The following BZW2 variants were observed in gnomAD, a reference collection of about 807,000 sequenced individuals.
The protein encoded by BZW2 is eIF5-mimic protein 1.
In BZW2, 23 loss-of-function variants were observed where a neutral mutation model predicts 53.2. The ratio of observed to expected loss-of-function variants is 0.43; its 90% CI spans 0.31 to 0.61. The LOEUF is 0.61. Among genes scored for constraint, BZW2 ranks in the 20% least tolerant of loss-of-function variants. The pLI is 0.09. For synonymous variants in BZW2, 227 were observed against 186.4 expected (o/e 1.22, Z -1.77); for missense variants, 409 against 503.1 (o/e 0.81, Z 1.79).
At chr7:16,658,965 A>G (rs1465912514) in intron 1 of BZW2, among the ~76,000 whole-genome samples, 1 of 151,418 alleles carries the variant, frequency 6.6e-6, no homozygotes, top group Non-Finnish European at 1.5e-5. Flanking sequence ...AAGAATAAAA[A>G]TAACTTAAAA....
chr7:16,648,413 A>G (rs1342076346), intron 1 of BZW2, among the ~76,000 whole-genome samples: 1 of 152,230 alleles, frequency 6.6e-6, no homozygotes, highest in Non-Finnish European at 1.5e-5. Flanking sequence ...ATCCCATATT[A>G]GGAAGTGTCA....
chr7:16,695,515 G>T (rs1397183364), intron 8 of BZW2, among the ~76,000 whole-genome samples: 5 of 152,124 alleles, frequency 3.3e-5, no homozygotes, highest in Non-Finnish European at 5.9e-5. Flanking sequence ...ACTCACACTT[G>T]GAAGAGCTGT....
In BZW2 at chr7:16,674,409, T is replaced by C; in HGVS notation, c.59-3T>C. ...ACTGTTATTTTGAATTGTTTTATTT[T>C]AGATGAAAAAGAGAAATTCGAACCC... On this transcript the variant is annotated splice_region_variant and splice_polypyrimidine_tract_variant and intron_variant, in intron 2 of 11. Coordinates refer to ENST00000258761, the MANE Select transcript of BZW2 (RefSeq NM_014038.3). The C allele has an allele frequency of 6.3e-7, 1 of 1,578,566 alleles. No homozygotes were observed. The highest frequency in any genetic ancestry group is 8.6e-7 in the Non-Finnish European group (1 of 1,161,982).
chr7:16,674,391 T>C (rs746385527), intron 2 of BZW2, 21 bp from the exon 3 acceptor site: 153 of 1,531,858 alleles, frequency 1.0e-4, no homozygotes, highest in Non-Finnish European at 1.3e-4. Flanking sequence ...TTGACTGTTA[T>C]TTTGAATTGT....
At chr7:16,682,888 C>A in intron 5 of BZW2, 43 bp downstream of exon 5, 2 of 1,354,580 alleles carry the variant, frequency 1.5e-6, no homozygotes, top group South Asian at 1.3e-5. Flanking sequence ...ATAGTAATGA[C>A]ATGGGGGTGG....
chr7:16,686,755 T>C (rs1387494442), intron 6 of BZW2: 1 of 152,246 alleles, frequency 6.6e-6, no homozygotes, highest in Admixed American at 6.5e-5. Flanking sequence ...TATGAAGTCC[T>C]AGCTTCATTC....
In BZW2 at chr7:16,689,844, GA is replaced by G; in HGVS notation, c.594del (p.Asp199MetfsTer9). On this transcript the variant is annotated frameshift_variant, in exon 7 of 12. Transcript: ENST00000258761. LOFTEE classifies it high-confidence loss of function. ...CAAGCTTTTCAAAGCATGGATGGCA[GA>G]AAAAGATGCCAACTCTGTTACCTCG... is the stretch of plus-strand genomic sequence containing the variant. ...AVKLFKAWMAEKDANSVTSSL... is the reference protein window; with the variant it reads ...AVKLFKAWMAXKDANSVTSSL... 6.2e-7 allele frequency: 1 copy of G among 1,611,914 alleles called. No homozygotes were observed. The highest frequency in any genetic ancestry group is 1.7e-5 in the Admixed American group (1 of 59,766).
At chr7:16,674,057 C>T (rs1583720097) in intron 2 of BZW2, among the ~76,000 whole-genome samples, 1 of 152,130 alleles carries the variant, frequency 6.6e-6, no homozygotes, top group East Asian at 1.9e-4. Context: ...CACCACCATG[C>T]CCAGCTAATT....
At chr7:16,705,730 A>G (rs1783832633) in intron 11 of BZW2, among the ~76,000 whole-genome samples, 1 of 149,640 alleles carries the variant, frequency 6.7e-6, no homozygotes, top group East Asian at 1.9e-4. Context: ...TAGGTGATCC[A>G]AAGAAGAAAA....
At chr7:16,674,311 T>C (rs958027414) in intron 2 of BZW2, 101 bp from the exon 3 acceptor site, 7 of 930,344 alleles carry the variant, frequency 7.5e-6, no homozygotes, top group Non-Finnish European at 1.1e-5. Context: ...TCTGTGGATT[T>C]TTTTTTCCTA....
At position 16,669,836 on chromosome 7, in the gene BZW2, C is replaced by G. The variant is rs1782546227; in HGVS notation, c.58+4335C>G. The stretch of plus-strand genomic sequence containing the variant: ...ACCAGCACAGTTTAAATTGGAGACC[C>G]TAATTATATCCTTCTCACTTCAAGG... On this transcript the variant is annotated intron_variant, in intron 2 of 11. Transcript: ENST00000258761. Among the ~76,000 whole-genome samples, 2 of 152,158 alleles carry G rather than the reference C, an allele frequency of 1.3e-5. 1 individual carries two copies. Among genetic ancestry groups the G allele is most frequent in the South Asian group, 4.1e-4 (2 of 4,828 alleles).
chr7:16,669,408 G>A (rs534691560), intron 2 of BZW2, among the ~76,000 whole-genome samples: 71 of 152,318 alleles, frequency 4.7e-4, no homozygotes, highest in Non-Finnish European at 6.5e-4. Context: ...GATTACAGGC[G>A]TGAGCCACCA....
intron 2 of BZW2, among the ~76,000 whole-genome samples, chr7:16,666,315 A>C (rs1782425040): frequency 6.6e-6 from 1 of 152,070 alleles, no homozygotes; most frequent in African/African-American, 2.4e-5. Context: ...GGCCTCAAGC[A>C]GTCCTCCTCC....
rs34699573 is a variant in BZW2 at position 16,685,876 on chromosome 7, C to CTTT, written c.406-12_406-10dup. On this transcript the variant is annotated intron_variant, in intron 5 of 11. Coordinates refer to ENST00000258761, the MANE Select transcript of BZW2 (RefSeq NM_014038.3). ...TTCCTTTTTTTTTCTTTTTCTTTTT[C>CTTT]TTTTTTTTTTTTTTTTTTTGACCCA... 754 of 1,293,968 alleles carry CTTT rather than the reference C, an allele frequency of 5.8e-4. 7 individuals are homozygous for CTTT. The highest frequency in any genetic ancestry group is 2.2e-3 in the South Asian group (127 of 58,160). 80.2% of individuals were successfully genotyped at this position (1,293,968 alleles called of 1,614,324 possible). A position where few individuals can be genotyped will look rare whatever the true frequency, so the allele number is the denominator to read the frequency against.
chr7:16,693,264 T>C (rs1296894261), intron 7 of BZW2, among the ~76,000 whole-genome samples: 1 of 152,298 alleles, frequency 6.6e-6, no homozygotes, highest in East Asian at 1.9e-4. Flanking sequence ...ACAAACCATG[T>C]TCCAAGTCAA....
At chr7:16,671,254 A>G (rs115292654) in intron 2 of BZW2, among the ~76,000 whole-genome samples, 2,796 of 152,092 alleles carry the variant, frequency 0.018, 72 homozygotes, top group African/African-American at 0.063. Flanking sequence ...AGCTACACCA[A>G]TGTTTAGGGT....
At position 16,704,559 on chromosome 7, in the gene BZW2, G is replaced by C; in HGVS notation, c.1121G>C (p.Ser374Thr). Reference protein sequence around the residue: ...VVLFYKADVLSEEAILKWYKE... With the variant: ...VVLFYKADVLTEEAILKWYKE... ...TTTAAAATTGCAGCTGATGTTCTGA[G>C]CGAAGAAGCAATACTGAAATGGTAT... Residue 374 changes from serine (S) to threonine (T), a missense_variant, in exon 11 of 12, where the codon AGC becomes ACC. By Grantham distance (58) the Ser-to-Thr change is moderately conservative. Around this residue, in one of 3 missense-constraint regions of BZW2, gnomAD observed 88 missense variants for 114.6 expected, o/e 0.77. Transcript: ENST00000258761. 1.3e-6 allele frequency: 2 copies of C among 1,557,098 alleles called. No homozygotes were observed. The highest frequency in any genetic ancestry group is 1.8e-6 in the Non-Finnish European group (2 of 1,137,962).
At chr7:16,698,013 C>G (rs1783555268) in intron 9 of BZW2, 35 bp from the exon 10 acceptor site, 1 of 1,612,468 alleles carries the variant, frequency 6.2e-7, no homozygotes, top group Admixed American at 1.7e-5. Flanking sequence ...ACCTCCCACG[C>G]AAGTGACGGC....
intron 7 of BZW2, among the ~76,000 whole-genome samples, chr7:16,692,872 A>C (rs1211140947): frequency 6.6e-6 from 1 of 152,186 alleles, no homozygotes; most frequent in Non-Finnish European, 1.5e-5. Flanking sequence ...ATTGGTGTAA[A>C]GACTTGAGGG....
Sources: gnomAD v4.1 joint callset for allele counts (sites outside exome capture counted in the v4.1 genomes callset) on GRCh38, gnomAD v4.1.1 for gene constraint, gnomAD v4.1.1 regional missense constraint, MANE v1.5 for transcripts, NCBI Gene and HGNC (gene_info 2026-07-23, HGNC 2026-07-21) for gene names.